ATP8B4: variants seen among roughly 807,000 people sequenced by gnomAD.
ATP8B4 encodes ATPase phospholipid transporting 8B4 (putative).
In ATP8B4, 133 loss-of-function variants were observed where a neutral mutation model predicts 145.6. The observed-to-expected ratio is 0.91, with a 90% CI of 0.79 to 1.05. ATP8B4 has a LOEUF of 1.05. ATP8B4 is among the 50% of genes least tolerant of loss of function. The probability of loss-of-function intolerance (pLI) is 0.00; values close to 1 mark genes in which losing one functional copy is unlikely to be tolerated. For synonymous variants in ATP8B4, 507 were observed against 492.9 expected (o/e 1.03, Z -0.38); for missense variants, 1,458 against 1,425.2 (o/e 1.02, Z -0.37).
intron 6 of ATP8B4, among the ~76,000 whole-genome samples, chr15:50,033,349 C>T (rs923786963): frequency 1.4e-4 from 22 of 152,182 alleles, no homozygotes; most frequent in African/African-American, 5.3e-4. Context: ...GGTAATTGCA[C>T]TGAAGCATCT....
At chr15:49,884,497 G>A (rs1406671135) in intron 23 of ATP8B4, among the ~76,000 whole-genome samples, 1 of 151,128 alleles carries the variant, frequency 6.6e-6, no homozygotes. Flanking sequence ...AGCTACTTGA[G>A]AGGCTGAGGC....
At chr15:50,005,051 C>T (rs1567182747) in intron 7 of ATP8B4, among the ~76,000 whole-genome samples, 1 of 152,270 alleles carries the variant, frequency 6.6e-6, no homozygotes, top group Admixed American at 6.5e-5. Flanking sequence ...AATATCCAAA[C>T]TCACAAGTGG....
intron 9 of ATP8B4, among the ~76,000 whole-genome samples, chr15:49,994,907 A>T (rs891474892): frequency 2.6e-5 from 4 of 152,120 alleles, no homozygotes; most frequent in Non-Finnish European, 5.9e-5. Flanking sequence ...CTATAAGAGG[A>T]AGAAGAATTT....
At chr15:50,155,396 T>G (rs2044397427) in intron 1 of ATP8B4, among the ~76,000 whole-genome samples, 1 of 152,156 alleles carries the variant, frequency 6.6e-6, no homozygotes, top group African/African-American at 2.4e-5. Flanking sequence ...TGTGTCAAAC[T>G]GTGACACCTT....
intron 25 of ATP8B4, among the ~76,000 whole-genome samples, chr15:49,872,192 G>A (rs2033765293): frequency 6.6e-6 from 1 of 152,168 alleles, no homozygotes; most frequent in East Asian, 1.9e-4. Context: ...CTTTATTAAA[G>A]AACATCGACT....
chr15:49,877,471 G>A (rs1301943052), intron 24 of ATP8B4, among the ~76,000 whole-genome samples: 1 of 152,190 alleles, frequency 6.6e-6, no homozygotes, highest in East Asian at 1.9e-4. Context: ...CTTCCTGCTT[G>A]TGGGATGGCC....
At chr15:49,973,489 C>G (rs2045366126) in intron 12 of ATP8B4, among the ~76,000 whole-genome samples, 1 of 152,012 alleles carries the variant, frequency 6.6e-6, no homozygotes, top group Non-Finnish European at 1.5e-5. Flanking sequence ...CTTCACTTTG[C>G]CAAAAGAGAT....
chr15:49,876,215 C>A, intron 25 of ATP8B4, 63 bp downstream of exon 25: 2 of 1,556,420 alleles, frequency 1.3e-6, no homozygotes, highest in Non-Finnish European at 1.7e-6. Flanking sequence ...CAAAATCAAT[C>A]AACAATGAAA....
At chr15:49,958,143 T>C (rs1304608701) in intron 14 of ATP8B4, among the ~76,000 whole-genome samples, 1 of 151,514 alleles carries the variant, frequency 6.6e-6, no homozygotes, top group Non-Finnish European at 1.5e-5. Context: ...TAAAAGCTTA[T>C]GGTTCAAACT....
intron 6 of ATP8B4, among the ~76,000 whole-genome samples, chr15:50,021,045 T>C (rs569473135): frequency 4.7e-4 from 71 of 152,276 alleles, no homozygotes; most frequent in African/African-American, 1.5e-3. Flanking sequence ...ATGTAATACA[T>C]AGAAAAGGAT....
rs532225316 is a variant in ATP8B4 at position 49,939,936 on chromosome 15, T to C, written c.1288-5754A>G. ...GGATGTGGAGTAAAGGGAATGCTTA[T>C]ACACTGTTGGTGGGAGTGTAAATTA... is the stretch of plus-strand genomic sequence containing the variant. On this transcript the variant is annotated intron_variant, in intron 14 of 27. Coordinates refer to ENST00000284509, the MANE Select transcript of ATP8B4 (RefSeq NM_024837.4). Among the ~76,000 whole-genome samples the C allele has an allele frequency of 8.5e-5, 13 of 152,308 alleles. No homozygotes were observed. In the South Asian group the frequency reaches 2.1e-3, roughly 24 times the overall value.
intron 20 of ATP8B4, among the ~76,000 whole-genome samples, chr15:49,904,485 A>G (rs2038392508): frequency 6.6e-6 from 1 of 152,218 alleles, no homozygotes; most frequent in South Asian, 2.1e-4. Context: ...TTACCTAAGT[A>G]AGTGCTCTAA....
intron 14 of ATP8B4, among the ~76,000 whole-genome samples, chr15:49,943,608 C>A (rs2042336249): frequency 6.6e-6 from 1 of 152,062 alleles, no homozygotes; most frequent in South Asian, 2.1e-4. Context: ...CAAAGAATAA[C>A]AGACCCAGCT....
chr15:49,883,683 G>C (rs1415165950), intron 23 of ATP8B4, among the ~76,000 whole-genome samples: 2 of 151,872 alleles, frequency 1.3e-5, no homozygotes, highest in Non-Finnish European at 2.9e-5. Flanking sequence ...TAAATGCAAA[G>C]GTTTTCTCCA....
At chr15:49,882,180 A>G (rs532080109) in intron 23 of ATP8B4, among the ~76,000 whole-genome samples, 1 of 152,140 alleles carries the variant, frequency 6.6e-6, no homozygotes, top group South Asian at 2.1e-4. Flanking sequence ...GGCACAGCTC[A>G]ATCTGTCAGT....
At chr15:50,173,355 A>C (rs995210757) in intron 1 of ATP8B4, among the ~76,000 whole-genome samples, 2 of 152,032 alleles carry the variant, frequency 1.3e-5, no homozygotes, top group African/African-American at 4.8e-5. Context: ...ACTAAGAAAA[A>C]TTATTCTGCC....
At chr15:49,861,177 T>C (rs951280510) in intron 27 of ATP8B4, among the ~76,000 whole-genome samples, 1 of 152,122 alleles carries the variant, frequency 6.6e-6, no homozygotes, top group African/African-American at 2.4e-5. Flanking sequence ...TCCTGACTTT[T>C]GTGTCAGGAG....
chr15:50,036,603 A>G (rs547446978), intron 6 of ATP8B4, among the ~76,000 whole-genome samples: 1 of 152,368 alleles, frequency 6.6e-6, no homozygotes, highest in East Asian at 1.9e-4. Flanking sequence ...ATGCACTGGA[A>G]TTGGCTAATG....
intron 3 of ATP8B4, among the ~76,000 whole-genome samples, chr15:50,056,672 C>T (rs1387872289): frequency 1.3e-5 from 2 of 150,408 alleles, no homozygotes; most frequent in African/African-American, 4.9e-5. Flanking sequence ...CATTTAATTA[C>T]TATACACAAT....
Sources: allele counts gnomAD v4.1 joint callset (sites outside exome capture counted in the v4.1 genomes callset), GRCh38; gene constraint gnomAD v4.1.1; transcripts MANE v1.5; gene names NCBI Gene and HGNC (gene_info 2026-07-23, HGNC 2026-07-21).